Variants in GPC5 observed in about 807,000 individuals in gnomAD.
GPC5 encodes the protein glypican 5.
A neutral mutation model predicts 53.9 loss-of-function variants in GPC5; 47 were observed. The ratio of observed to expected loss-of-function variants is 0.87; its 90% CI spans 0.69 to 1.11. GPC5 has a LOEUF of 1.11. Among genes scored for constraint, GPC5 ranks in the 50% most tolerant of loss-of-function variants. The probability of loss-of-function intolerance (pLI) is 0.00; values close to 1 mark genes in which losing one functional copy is unlikely to be tolerated. For synonymous variants in GPC5, 286 were observed against 263.3 expected, an observed-to-expected ratio of 1.09 and a Z score of -0.84; for missense variants, 748 against 713.1, an observed-to-expected ratio of 1.05 and a Z score of -0.56.
intron 7 of GPC5, among the ~76,000 whole-genome samples, chr13:92,682,867 G>C (rs1474488311): frequency 6.6e-6 from 1 of 152,154 alleles, no homozygotes; most frequent in Non-Finnish European, 1.5e-5. Flanking sequence ...TGTATTTCCT[G>C]GCTTTCTGGG....
At chr13:92,627,209 T>A (rs1407360750) in intron 7 of GPC5, among the ~76,000 whole-genome samples, 1 of 152,202 alleles carries the variant, frequency 6.6e-6, no homozygotes. Flanking sequence ...ATTTTCCTTC[T>A]AACAGATTGG....
Position 91,693,356 on chromosome 13 carries a change from A to T in GPC5, c.495A>T (p.Arg165Ser). The T allele has an allele frequency of 6.2e-7, 1 of 1,614,080 alleles. No individual in the cohort carries two copies. The change falls in exon 3 of 8, where the codon AGA becomes AGT. Residue 165 changes from arginine to serine, a missense_variant. Coordinates refer to ENST00000377067, the MANE Select transcript of GPC5 (RefSeq NM_004466.6). ...ADVNPEEFVN[R>S]FFDSLFPLVY... ...TTAATCCTGAAGAATTTGTAAACAG[A>T]TTTTTTGACAGTCTTTTTCCTCTGG...
chr13:91,895,752 G>C (rs1033625687), intron 5 of GPC5, among the ~76,000 whole-genome samples: 2 of 151,812 alleles, frequency 1.3e-5, no homozygotes, highest in Non-Finnish European at 2.9e-5. Context: ...GGTGGTATTA[G>C]TTTTCTGTGG....
intron 7 of GPC5, among the ~76,000 whole-genome samples, chr13:92,810,567 A>T (rs1877257163): frequency 6.6e-6 from 1 of 151,902 alleles, no homozygotes; most frequent in Non-Finnish European, 1.5e-5. Flanking sequence ...CCAAACAAGA[A>T]CTTGTAATCA....
intron 7 of GPC5, among the ~76,000 whole-genome samples, chr13:92,765,959 A>C (rs1433320111): frequency 6.6e-6 from 1 of 151,966 alleles, no homozygotes; most frequent in Non-Finnish European, 1.5e-5. Flanking sequence ...AAGAATGAAA[A>C]CCTTTTTAAG....
chr13:92,194,669 T>C (rs1388319885), intron 7 of GPC5, among the ~76,000 whole-genome samples: 1 of 152,222 alleles, frequency 6.6e-6, no homozygotes, highest in Non-Finnish European at 1.5e-5. Flanking sequence ...CCTGCAGGTA[T>C]TCTCAAATGC....
At chr13:91,970,754 A>G (rs1488763112) in intron 6 of GPC5, among the ~76,000 whole-genome samples, 1 of 152,176 alleles carries the variant, frequency 6.6e-6, no homozygotes, top group Non-Finnish European at 1.5e-5. Context: ...TTCTGTTTAT[A>G]TACTGGATTA....
intron 7 of GPC5, among the ~76,000 whole-genome samples, chr13:92,430,621 T>C (rs975287261): frequency 2.6e-5 from 4 of 152,114 alleles, no homozygotes; most frequent in Admixed American, 6.6e-5. Context: ...ACGTTACAGG[T>C]AGAGAATCAC....
chr13:92,850,026 T>C lies in GPC5; in HGVS notation c.1562-16256T>C, dbSNP rs9561181. 0.025 allele frequency among the ~76,000 whole-genome samples: 3,863 copies of C among 152,250 alleles called. 386 individuals are homozygous for C. In the East Asian group the frequency reaches 0.33, roughly 13 times the overall value. On this transcript the variant is annotated intron_variant, in intron 7 of 7. Transcript: ENST00000377067. Reference sequence around the variant, plus strand: ...AGATTCAGTGGCAAGACCCCGGAAATGTTCAGTAAGTTGACATCAAAGTGA... The same window carrying C: ...AGATTCAGTGGCAAGACCCCGGAAACGTTCAGTAAGTTGACATCAAAGTGA...
chr13:91,877,810 C>A (rs1243270479), intron 5 of GPC5, among the ~76,000 whole-genome samples: 1 of 152,136 alleles, frequency 6.6e-6, no homozygotes, highest in Admixed American at 6.5e-5. Flanking sequence ...GGCTGTGTCC[C>A]TACCCAAATC....
At chr13:91,506,960 A>G (rs910799423) in intron 2 of GPC5, among the ~76,000 whole-genome samples, 7 of 152,218 alleles carry the variant, frequency 4.6e-5, no homozygotes, top group African/African-American at 1.7e-4. Flanking sequence ...CATTGAAAAC[A>G]TAAGTCCCAA....
intron 6 of GPC5, among the ~76,000 whole-genome samples, chr13:92,047,430 C>CTATA (rs1555306863): frequency 0.011 from 1,068 of 100,626 alleles, 9 homozygotes; most frequent in Middle Eastern, 0.023. Flanking sequence ...TCTTTTTAAA[C>CTATA]TATATATATA....
chr13:91,616,394 C>T (rs1018143462), intron 2 of GPC5, among the ~76,000 whole-genome samples: 1 of 152,044 alleles, frequency 6.6e-6, no homozygotes, highest in Non-Finnish European at 1.5e-5. Context: ...CCAGTGTTTC[C>T]TATAAAGATG....
At chr13:92,365,077 T>C (rs1392815435) in intron 7 of GPC5, among the ~76,000 whole-genome samples, 3 of 151,708 alleles carry the variant, frequency 2.0e-5, no homozygotes, top group Admixed American at 6.6e-5. Flanking sequence ...CACTTAATGA[T>C]GGGGCTACCT....
chr13:92,003,594 A>C (rs773617465), intron 6 of GPC5, among the ~76,000 whole-genome samples: 3 of 152,206 alleles, frequency 2.0e-5, no homozygotes, highest in Non-Finnish European at 4.4e-5. Flanking sequence ...GCTAAATTGT[A>C]CATTAGATGA....
chr13:92,135,123 T>C (rs544562856), intron 6 of GPC5, among the ~76,000 whole-genome samples: 4 of 152,284 alleles, frequency 2.6e-5, no homozygotes, highest in Admixed American at 6.5e-5. Flanking sequence ...TTTCCCTTAC[T>C]CCTGTCATTG....
intron 7 of GPC5, among the ~76,000 whole-genome samples, chr13:92,270,276 A>G (rs2042831024): frequency 6.6e-6 from 1 of 152,182 alleles, no homozygotes; most frequent in South Asian, 2.1e-4. Context: ...GTTGAATTGT[A>G]ATCCCCACTG....
intron 6 of GPC5, among the ~76,000 whole-genome samples, chr13:92,069,002 A>G (rs1238049037): frequency 6.6e-6 from 1 of 151,916 alleles, no homozygotes; most frequent in Non-Finnish European, 1.5e-5. Flanking sequence ...TAAGCTTTTT[A>G]CTTCTAGATC....
rs541782845 is a variant in GPC5 at position 92,579,810 on chromosome 13, T to C, written c.1562-286472T>C. Among the ~76,000 whole-genome samples the C allele has an allele frequency of 2.0e-5, 3 of 152,290 alleles. 1 individual carries two copies. In the South Asian group the frequency reaches 6.2e-4, roughly 32 times the overall value. ...CAAAAGCTACTTGCTTATTCATACC[T>C]AGACCTAACACATCCTATAAGGTTT... On this transcript the variant is annotated intron_variant, in intron 7 of 7. Transcript: ENST00000377067.
Sources: gnomAD v4.1 joint callset for allele counts (sites outside exome capture counted in the v4.1 genomes callset) on GRCh38, gnomAD v4.1.1 for gene constraint, MANE v1.5 for transcripts, NCBI Gene and HGNC (gene_info 2026-07-23, HGNC 2026-07-21) for gene names.